Variants in REV1 observed in about 807,000 individuals in gnomAD.
REV1 encodes the protein REV1 DNA directed polymerase, also known as translesion synthesis protein REV1.
REV1 carries 42 observed loss-of-function variants against 137.4 expected under a neutral mutation model. That is an observed-to-expected ratio of 0.31 (90% CI 0.24 to 0.40). The LOEUF (loss-of-function observed/expected upper bound fraction) is 0.40, where lower values mean the gene tolerates loss of function less well. REV1 is among the 10% of genes least tolerant of loss of function. The pLI, the probability that REV1 is intolerant of heterozygous loss-of-function variation, is 1.00. For missense variants in REV1, 1,282 were observed against 1,490.1 expected, an observed-to-expected ratio of 0.86 and a Z score of 2.30; for synonymous variants, 524 against 519.2, an observed-to-expected ratio of 1.01 and a Z score of -0.12.
chr2:99,402,424 A>G, intron 21 of REV1, 78 bp from the exon 22 acceptor site: 1 of 831,456 alleles, frequency 1.2e-6, no homozygotes, highest in Admixed American at 2.7e-5. Flanking sequence ...GATAAAGGAA[A>G]ACTGCATTTC....
intron 13 of REV1, among the ~76,000 whole-genome samples, chr2:99,411,177 A>G (rs1427265456): frequency 6.6e-6 from 1 of 151,920 alleles, no homozygotes; most frequent in Non-Finnish European, 1.5e-5. Context: ...AATCGCAGCT[A>G]CTCAGGAGGC....
chr2:99,445,418 A>C (rs1221747955), intron 4 of REV1, among the ~76,000 whole-genome samples: 1 of 152,220 alleles, frequency 6.6e-6, no homozygotes, highest in Non-Finnish European at 1.5e-5. Flanking sequence ...GTGACCATCT[A>C]ATCACGGGAT....
intron 1 of REV1, among the ~76,000 whole-genome samples, chr2:99,466,784 CTTT>C (rs1218144462): frequency 6.6e-6 from 1 of 152,068 alleles, no homozygotes; most frequent in South Asian, 2.1e-4. Context: ...GGAGAGATTT[CTTT>C]TTTAAGTCTG....
intron 4 of REV1, among the ~76,000 whole-genome samples, chr2:99,447,298 G>A (rs771199817): frequency 3.6e-4 from 54 of 151,422 alleles, no homozygotes; most frequent in Non-Finnish European, 6.3e-4. Flanking sequence ...TCAGCCTCCC[G>A]GGTAGCTGGG....
At chr2:99,405,680 G>C in intron 17 of REV1, 1 of 369,068 alleles carries the variant, frequency 2.7e-6, no homozygotes, top group East Asian at 4.3e-5. Flanking sequence ...TTTCAGCTAT[G>C]CTTTACAACT....
At chr2:99,463,434 G>A (rs1186078912) in intron 2 of REV1, among the ~76,000 whole-genome samples, 7 of 152,050 alleles carry the variant, frequency 4.6e-5, no homozygotes, top group Non-Finnish European at 8.8e-5. Context: ...CAGGAGAATC[G>A]CTTGAACCCA....
chr2:99,406,634 ATTCTATAT>A, intron 15 of REV1, 144 bp from the exon 16 acceptor site: 1 of 619,468 alleles, frequency 1.6e-6, no homozygotes, highest in East Asian at 3.0e-5. Context: ...TTCAAACAGC[ATTCTATAT>A]GACTTATTAC....
At chr2:99,413,175 G>A (rs578083191) in intron 12 of REV1, among the ~76,000 whole-genome samples, 2 of 152,272 alleles carry the variant, frequency 1.3e-5, no homozygotes, top group East Asian at 3.9e-4. Flanking sequence ...TCCACATATA[G>A]ATGAACCAGA....
rs1478537751 is a variant in REV1 at position 99,421,608 on chromosome 2, T to C, written c.1722A>G (p.Val574=). The change falls in exon 11 of 23, where the codon GTA becomes GTG. Residue 574 remains valine, a synonymous_variant. Coordinates refer to ENST00000258428, the MANE Select transcript of REV1 (RefSeq NM_016316.4). ...TCTCTGCAAGGATTTCGGTAATGTCTACCAGCGCTTCATCACAACTGACAG... is the reference window on the plus strand; with the variant it reads ...TCTCTGCAAGGATTTCGGTAATGTCCACCAGCGCTTCATCACAACTGACAG... ...IEAVSCDEAL[V]DITEILAETK... is the part of the protein sequence containing the mutation. 14 of 1,614,154 alleles carry C rather than the reference T, an allele frequency of 8.7e-6. 1 individual carries two copies. Among genetic ancestry groups the C allele is most frequent in the African/African-American group, 1.3e-5 (1 of 75,056 alleles).
intron 5 of REV1, 41 bp downstream of exon 5, chr2:99,442,276 A>AC (rs767256742): frequency 6.7e-7 from 1 of 1,482,996 alleles, no homozygotes; most frequent in Non-Finnish European, 9.1e-7. Context: ...AAAAAAAAAA[A>AC]CCAACCAGCT....
At position 99,462,707 on chromosome 2, in the gene REV1, T is replaced by C. The variant is rs1009358383; in HGVS notation, c.55-85A>G. The C allele has an allele frequency of 3.0e-6, 4 of 1,330,688 alleles. No homozygotes were observed. In the African/African-American group the frequency reaches 6.0e-5, roughly 20 times the overall value. The allele number at this position is 1,330,688 out of a possible 1,614,324, so 82.4% of individuals were successfully genotyped here. A position where few individuals can be genotyped will look rare whatever the true frequency, so the allele number is the denominator to read the frequency against. On this transcript the variant is annotated intron_variant, in intron 2 of 22. Coordinates refer to ENST00000258428, the MANE Select transcript of REV1 (RefSeq NM_016316.4). ...AAAAAAAAAAATTTTAAAAACTAAA[T>C]AAATAAATGGACCTTATTCTGTGCT...
At position 99,464,977 on chromosome 2, in the gene REV1, G is replaced by A. The variant is rs1684633191; in HGVS notation, c.-2C>T. On this transcript the variant is annotated 5_prime_UTR_variant, in exon 2 of 23. Transcript: ENST00000258428. The stretch of plus-strand genomic sequence containing the variant: ...CTTCCTCCATCCACCTCGCCTCATG[G>A]TGGAGCTTCTGTATTGGGGAGGAAA... The A allele has an allele frequency of 6.2e-7, 1 of 1,612,484 alleles. No homozygotes were observed. The highest frequency in any genetic ancestry group is 8.5e-7 in the Non-Finnish European group (1 of 1,179,056).
chr2:99,437,759 A>C (rs1169544691), intron 6 of REV1, among the ~76,000 whole-genome samples: 1 of 152,214 alleles, frequency 6.6e-6, no homozygotes, highest in Non-Finnish European at 1.5e-5. Context: ...ACATGATGTA[A>C]GGATAATCTA....
Position 99,412,937 on chromosome 2 carries a change from T to C in REV1, c.1966A>G (p.Met656Val), listed in dbSNP as rs3087394. Residue 656 changes from methionine to valine, a missense_variant, in exon 13 of 23, where the codon ATG becomes GTG. By Grantham distance (21) the Met-to-Val change is conservative (BLOSUM62 1). Transcript: ENST00000258428. The part of the protein sequence containing the change: ...VTNLPGVGHS[M>V]ESKLASLGIK... Reference sequence around the variant, plus strand: ...CCCAAAGATGCCAACTTAGATTCCATTGAATGTCCAACTCCTAGGAAAGGG... The same window carrying C: ...CCCAAAGATGCCAACTTAGATTCCACTGAATGTCCAACTCCTAGGAAAGGG... 4.6e-5 allele frequency: 75 copies of C among 1,612,908 alleles called. No homozygotes were observed. The highest frequency in any genetic ancestry group is 4.5e-4 in the East Asian group (20 of 44,874).
intron 6 of REV1, among the ~76,000 whole-genome samples, chr2:99,438,354 A>G (rs1446107403): frequency 1.3e-5 from 2 of 152,250 alleles, no homozygotes; most frequent in African/African-American, 2.4e-5. Context: ...ATGAATGCTC[A>G]GAATCCCAAC....
chr2:99,419,960 A>AG (rs373157507), intron 11 of REV1, among the ~76,000 whole-genome samples: 107 of 152,386 alleles, frequency 7.0e-4, no homozygotes, highest in African/African-American at 2.5e-3. Context: ...TAGTGAGTTC[A>AG]GGGGAGGGGA....
rs765180719 is a variant in REV1 at position 99,421,679 on chromosome 2, A to C, written c.1677-26T>G. 9 of 1,596,460 alleles carry C rather than the reference A, an allele frequency of 5.6e-6. No individual in the cohort carries two copies. In the Admixed American group the frequency reaches 1.6e-4, roughly 28 times the overall value. On this transcript the variant is annotated intron_variant, in intron 10 of 22. Transcript: ENST00000258428. ...CTATCAACACAGAGCAAAGGCAACG[A>C]ATCACAGCCACAGCCACCATCTGGT...
At position 99,418,838 on chromosome 2, in the gene REV1, G is replaced by A. The variant is rs2104561125; in HGVS notation, c.1941C>T (p.Thr647=). The change falls in exon 12 of 23, where the codon ACC becomes ACT. Residue 647 remains threonine (T), a synonymous_variant. Transcript: ENST00000258428. The part of the protein sequence containing the change: ...VDDFIRGQLV[T]NLPGVGHSME... ...AATATTTCTATTTACCTGGTAGATT[G>A]GTCACTAGCTGGCCTCTGATAAAAT... 1 of 1,610,822 alleles carries A rather than the reference G, an allele frequency of 6.2e-7. No individual in the cohort carries two copies. Among genetic ancestry groups the A allele is most frequent in the East Asian group, 2.2e-5 (1 of 44,780 alleles).
chr2:99,450,827 A>G (rs1302233105), intron 3 of REV1, among the ~76,000 whole-genome samples: 2 of 152,192 alleles, frequency 1.3e-5, no homozygotes, highest in Non-Finnish European at 2.9e-5. Flanking sequence ...TGGGTATTTT[A>G]CATTTACAAC....
Sources: allele counts gnomAD v4.1 joint callset (sites outside exome capture counted in the v4.1 genomes callset), GRCh38; gene constraint gnomAD v4.1.1; transcripts MANE v1.5; gene names NCBI Gene and HGNC (gene_info 2026-07-23, HGNC 2026-07-21).